The following CDH13 variants were observed in gnomAD, a reference collection of about 807,000 sequenced individuals.
CDH13 encodes the protein cadherin-13.
In CDH13, 24 loss-of-function variants were observed where a neutral mutation model predicts 63.8. That is an observed-to-expected ratio of 0.38 (90% CI 0.27 to 0.53). CDH13 has a LOEUF of 0.53. Among genes scored for constraint, CDH13 ranks in the 20% least tolerant of loss-of-function variants. The pLI is 0.85. For synonymous variants in CDH13, 503 were observed against 355.3 expected (o/e 1.42, Z -4.67); for missense variants, 1,049 against 903.1 (o/e 1.16, Z -2.07).
chr16:83,275,897 TA>T (rs1361825340), intron 5 of CDH13, among the ~76,000 whole-genome samples: 1 of 152,184 alleles, frequency 6.6e-6, no homozygotes, highest in Non-Finnish European at 1.5e-5. Flanking sequence ...GCTTACAAAC[TA>T]ATGAAGCACT....
chr16:83,787,325 C>T (rs1455552132), intron 13 of CDH13, among the ~76,000 whole-genome samples: 2 of 151,240 alleles, frequency 1.3e-5, no homozygotes, highest in African/African-American at 4.8e-5. Context: ...TTGTTTGTTT[C>T]TGTCTTTTGT....
chr16:83,712,676 C>A (rs1482240714), intron 10 of CDH13, among the ~76,000 whole-genome samples: 1 of 152,196 alleles, frequency 6.6e-6, no homozygotes, highest in Non-Finnish European at 1.5e-5. Flanking sequence ...TTCAATTTGT[C>A]TACACATCTA....
At chr16:83,656,573 C>G (rs556101263) in intron 8 of CDH13, among the ~76,000 whole-genome samples, 4 of 152,240 alleles carry the variant, frequency 2.6e-5, no homozygotes, top group African/African-American at 9.6e-5. Flanking sequence ...GACCAGAACC[C>G]CTGAGCCATG....
intron 2 of CDH13, among the ~76,000 whole-genome samples, chr16:82,978,650 T>C (rs747135118): frequency 1.3e-5 from 2 of 152,252 alleles, no homozygotes; most frequent in African/African-American, 4.8e-5. Flanking sequence ...AAGTCAGTAA[T>C]TGAGGTTTGG....
At chr16:83,402,411 T>C (rs2151444194) in intron 6 of CDH13, among the ~76,000 whole-genome samples, 1 of 152,328 alleles carries the variant, frequency 6.6e-6, no homozygotes. Flanking sequence ...AACGTGACTA[T>C]CCAGGATTCC....
chr16:83,167,887 C>G (rs886566381), intron 4 of CDH13, among the ~76,000 whole-genome samples: 2 of 151,960 alleles, frequency 1.3e-5, no homozygotes, highest in South Asian at 2.1e-4. Context: ...AATAAAATCA[C>G]AAGCTTTGCA....
At chr16:82,846,827 G>A (rs1382879979) in intron 1 of CDH13, among the ~76,000 whole-genome samples, 1 of 152,130 alleles carries the variant, frequency 6.6e-6, no homozygotes, top group African/African-American at 2.4e-5. Flanking sequence ...ACCTGATGAT[G>A]CTGTCATAAT....
At chr16:83,482,513 G>A (rs548675546) in intron 6 of CDH13, among the ~76,000 whole-genome samples, 13 of 152,300 alleles carry the variant, frequency 8.5e-5, no homozygotes, top group Admixed American at 2.0e-4. Flanking sequence ...TCTGTTTCTC[G>A]ACTGAATCTA....
intron 13 of CDH13, among the ~76,000 whole-genome samples, chr16:83,792,635 A>C (rs1916350816): frequency 6.6e-6 from 1 of 152,304 alleles, no homozygotes; most frequent in Non-Finnish European, 1.5e-5. Context: ...CACCCCCCAC[A>C]AAGAATTATC....
chr16:83,713,410 G>C (rs1908367710), intron 10 of CDH13, among the ~76,000 whole-genome samples: 1 of 151,964 alleles, frequency 6.6e-6, no homozygotes, highest in Non-Finnish European at 1.5e-5. Context: ...AATGAGCATT[G>C]CATTCTTTTA....
intron 10 of CDH13, among the ~76,000 whole-genome samples, chr16:83,726,842 A>C (rs1910464100): frequency 6.7e-6 from 1 of 149,174 alleles, no homozygotes; most frequent in Admixed American, 6.7e-5. Context: ...CTGTCTCAAA[A>C]AAAAAAAAAA....
chr16:83,356,313 A>G (rs2091055860), intron 6 of CDH13, among the ~76,000 whole-genome samples: 1 of 151,590 alleles, frequency 6.6e-6, no homozygotes, highest in Non-Finnish European at 1.5e-5. Context: ...TAGTCATTTT[A>G]TAGTAGCCCA....
intron 2 of CDH13, among the ~76,000 whole-genome samples, chr16:82,931,463 G>C (rs930914035): frequency 5.3e-5 from 8 of 151,324 alleles, no homozygotes; most frequent in Admixed American, 3.9e-4. Context: ...ATGAAGTTTA[G>C]AAGTTCTATA....
intron 1 of CDH13, among the ~76,000 whole-genome samples, chr16:82,645,920 A>G (rs1175193656): frequency 1.3e-5 from 2 of 152,250 alleles, no homozygotes; most frequent in African/African-American, 4.8e-5. Flanking sequence ...GCTGAGTTAG[A>G]TAAAAAGTGG....
chr16:83,659,869 C>G (rs1240769626), intron 8 of CDH13, among the ~76,000 whole-genome samples: 2 of 151,140 alleles, frequency 1.3e-5, no homozygotes, highest in African/African-American at 4.9e-5. Context: ...TCACTGCAAC[C>G]TCCACCTCCC....
chr16:83,465,206 G>T (rs916778591), intron 6 of CDH13, among the ~76,000 whole-genome samples: 14 of 152,294 alleles, frequency 9.2e-5, no homozygotes, highest in Non-Finnish European at 1.8e-4. Flanking sequence ...ATAAAGATGG[G>T]ATAACAGGAG....
At chr16:83,584,463 A>G (rs1379217942) in intron 7 of CDH13, among the ~76,000 whole-genome samples, 1 of 152,228 alleles carries the variant, frequency 6.6e-6, no homozygotes, top group Non-Finnish European at 1.5e-5. Flanking sequence ...AGAGCTCTGC[A>G]GTCTTTCTAC....
At chr16:83,058,651 G>C (rs1195753343) in intron 3 of CDH13, among the ~76,000 whole-genome samples, 1 of 152,190 alleles carries the variant, frequency 6.6e-6, no homozygotes, top group Non-Finnish European at 1.5e-5. Flanking sequence ...TACTGATGTT[G>C]TGGTGTAAGT....
intron 3 of CDH13, among the ~76,000 whole-genome samples, chr16:83,035,676 A>G (rs1291110370): frequency 6.6e-6 from 1 of 152,150 alleles, no homozygotes; most frequent in Non-Finnish European, 1.5e-5. Flanking sequence ...GTCATTGTGC[A>G]TAGTTGGGAG....
Sources: gnomAD v4.1 joint callset for allele counts (sites outside exome capture counted in the v4.1 genomes callset) on GRCh38, gnomAD v4.1.1 for gene constraint, MANE v1.5 for transcripts, NCBI Gene and HGNC (gene_info 2026-07-23, HGNC 2026-07-21) for gene names.